Variants in PUS10 observed in about 807,000 individuals in gnomAD.
PUS10 encodes pseudouridine synthase 10, also known as tRNA pseudouridine synthase Pus10.
In PUS10, 59 loss-of-function variants were observed where a neutral mutation model predicts 75.0. That is an observed-to-expected ratio of 0.79 (90% CI 0.64 to 0.98). The LOEUF (loss-of-function observed/expected upper bound fraction) is 0.98. Among genes scored for constraint, PUS10 ranks in the 50% least tolerant of loss-of-function variants. The pLI, the probability that PUS10 is intolerant of heterozygous loss-of-function variation, is 0.00. For synonymous variants in PUS10, 219 were observed against 211.6 expected (o/e 1.03, Z -0.30); for missense variants, 650 against 614.4 (o/e 1.06, Z -0.61).
chr2:60,942,309 G>A lies in PUS10; in HGVS notation c.*86C>T. ...ATAGTTTTCAAGACACCGTTATGGTGGGTAAACAGCCATTTTACGGCATGT... is the reference window on the plus strand; with the variant it reads ...ATAGTTTTCAAGACACCGTTATGGTAGGTAAACAGCCATTTTACGGCATGT... On this transcript the variant is annotated 3_prime_UTR_variant, in exon 18 of 18. Transcript: ENST00000316752. 5 of 1,050,412 alleles carry A rather than the reference G, an allele frequency of 4.8e-6. No individual in the cohort carries two copies. Among genetic ancestry groups the A allele is most frequent in the Non-Finnish European group, 6.0e-6 (4 of 666,126 alleles). 65.1% of individuals were successfully genotyped at this position (1,050,412 alleles called of 1,614,324 possible).
intron 3 of PUS10, 94 bp from the exon 4 acceptor site, chr2:61,006,737 G>A (rs970962766): frequency 2.1e-6 from 2 of 937,714 alleles, no homozygotes; most frequent in Non-Finnish European, 3.2e-6. Flanking sequence ...TCCAGGAGAT[G>A]ACATGGCAAA....
At chr2:60,992,074 C>T (rs1030184187) in intron 4 of PUS10, among the ~76,000 whole-genome samples, 9 of 149,918 alleles carry the variant, frequency 6.0e-5, no homozygotes, top group Non-Finnish European at 1.0e-4. Context: ...TATAGTGGTG[C>T]GATCTCAGCT....
intron 1 of PUS10, among the ~76,000 whole-genome samples, chr2:61,014,810 TA>T (rs1679860278): frequency 6.6e-6 from 1 of 152,212 alleles, no homozygotes; most frequent in Admixed American, 6.5e-5. Context: ...CAGCTTAGTA[TA>T]AAGACGTGAT....
At position 60,945,030 on chromosome 2, in the gene PUS10, G is replaced by A; in HGVS notation, c.1530C>T (p.Asp510=). 1 of 1,613,482 alleles carries A rather than the reference G, an allele frequency of 6.2e-7. No homozygotes were observed. Among genetic ancestry groups the A allele is most frequent in the Non-Finnish European group, 8.5e-7 (1 of 1,179,396 alleles). ...TTACCTCAACATCCAGCTCCAGAAT[G>A]TCTGCAGTCACATTCATCAGGGACC... ...NIGSLMNVTA[D]ILELDVESVD... is the part of the protein sequence containing the mutation. Residue 510 remains aspartate (D), a synonymous_variant, in exon 17 of 18, where the codon GAC becomes GAT. Transcript: ENST00000316752.
intron 9 of PUS10, 92 bp downstream of exon 9, chr2:60,962,734 T>A: frequency 1.4e-6 from 2 of 1,479,896 alleles, no homozygotes; most frequent in Non-Finnish European, 1.8e-6. Flanking sequence ...CTGAAATACA[T>A]CATCTTGTTT....
chr2:60,992,634 T>A (rs1678185244), intron 4 of PUS10, among the ~76,000 whole-genome samples: 1 of 152,260 alleles, frequency 6.6e-6, no homozygotes, highest in African/African-American at 2.4e-5. Flanking sequence ...CATATTATGC[T>A]TCTTAATATA....
At chr2:60,984,951 G>A (rs1241431869) in intron 4 of PUS10, among the ~76,000 whole-genome samples, 1 of 152,206 alleles carries the variant, frequency 6.6e-6, no homozygotes, top group African/African-American at 2.4e-5. Flanking sequence ...AAGAGGAAGA[G>A]AAAGAGAGAG....
intron 15 of PUS10, among the ~76,000 whole-genome samples, chr2:60,951,157 C>T (rs1028895353): frequency 3.3e-5 from 5 of 152,062 alleles, no homozygotes; most frequent in East Asian, 1.9e-4. Context: ...TCCTATTTAT[C>T]GTATCTTTTG....
At chr2:60,987,166 A>T (rs1289040619) in intron 4 of PUS10, among the ~76,000 whole-genome samples, 1 of 152,260 alleles carries the variant, frequency 6.6e-6, no homozygotes, top group Non-Finnish European at 1.5e-5. Context: ...CTGAGAATGG[A>T]ACAGTATCTG....
intron 1 of PUS10, among the ~76,000 whole-genome samples, chr2:61,016,212 A>G (rs1004731287): frequency 5.9e-5 from 9 of 152,170 alleles, no homozygotes; most frequent in African/African-American, 1.9e-4. Flanking sequence ...GAATTACAAA[A>G]CTTCCAGTCC....
chr2:60,979,580 G>A (rs1476221112), intron 4 of PUS10, among the ~76,000 whole-genome samples: 2 of 152,122 alleles, frequency 1.3e-5, no homozygotes, highest in African/African-American at 4.8e-5. Flanking sequence ...TTTCCCCAAA[G>A]GCTTGGATGT....
intron 2 of PUS10, chr2:61,011,038 G>A (rs1365174581): frequency 1.1e-5 from 13 of 1,142,148 alleles, no homozygotes; most frequent in Non-Finnish European, 1.6e-5. Context: ...AAAAATAACT[G>A]ATACTACTAA....
intron 5 of PUS10, among the ~76,000 whole-genome samples, chr2:60,968,386 A>T (rs1676467830): frequency 6.6e-6 from 1 of 152,174 alleles, no homozygotes; most frequent in African/African-American, 2.4e-5. Context: ...AGCCCACGTC[A>T]TTCAAATAAT....
intron 4 of PUS10, among the ~76,000 whole-genome samples, chr2:60,983,506 C>T (rs1160799848): frequency 6.6e-6 from 1 of 151,794 alleles, no homozygotes; most frequent in African/African-American, 2.4e-5. Context: ...TGGTGAAACC[C>T]CTCTCTACTA....
intron 16 of PUS10, 27 bp downstream of exon 16, chr2:60,948,016 G>A (rs1273728710): frequency 1.2e-6 from 2 of 1,613,424 alleles, no homozygotes; most frequent in African/African-American, 1.3e-5. Context: ...TGGTTCGATG[G>A]CGGCAGTGCA....
intron 11 of PUS10, 133 bp from the exon 12 acceptor site, chr2:60,955,207 C>A: frequency 2.1e-6 from 1 of 469,208 alleles, no homozygotes; most frequent in Non-Finnish European, 3.7e-6. Context: ...AGTCATCATC[C>A]CACCTCTAAT....
At chr2:60,995,489 G>T (rs1678393880) in intron 4 of PUS10, among the ~76,000 whole-genome samples, 1 of 152,192 alleles carries the variant, frequency 6.6e-6, no homozygotes, top group South Asian at 2.1e-4. Flanking sequence ...CTAAAACACA[G>T]TGGTGGTATC....
intron 4 of PUS10, among the ~76,000 whole-genome samples, chr2:60,977,385 A>G (rs1436054601): frequency 6.6e-6 from 1 of 152,170 alleles, no homozygotes; most frequent in African/African-American, 2.4e-5. Flanking sequence ...ATGAAACTGG[A>G]AAGTTCAGAA....
At chr2:60,957,808 G>A (rs947584394) in intron 11 of PUS10, among the ~76,000 whole-genome samples, 2 of 152,234 alleles carry the variant, frequency 1.3e-5, no homozygotes, top group East Asian at 1.9e-4. Context: ...TGGAGTATAA[G>A]GGAAATGGCT....
Sources: allele counts gnomAD v4.1 joint callset (sites outside exome capture counted in the v4.1 genomes callset), GRCh38; gene constraint gnomAD v4.1.1; transcripts MANE v1.5; gene names NCBI Gene and HGNC (gene_info 2026-07-23, HGNC 2026-07-21).